The following MID1 variants were observed in gnomAD, a reference collection of about 807,000 sequenced individuals.
MID1 encodes the protein midline 1.
In MID1, 7 loss-of-function variants were observed where a neutral mutation model predicts 40.4. That is an observed-to-expected ratio of 0.17 (90% CI 0.10 to 0.33). The LOEUF is 0.33. MID1 is among the 10% of genes least tolerant of loss of function. MID1 has a pLI of 1.00. For missense variants in MID1, 367 were observed against 558.5 expected, an observed-to-expected ratio of 0.66 and a Z score of 3.46; for synonymous variants, 229 against 221.2, an observed-to-expected ratio of 1.04 and a Z score of -0.31.
At chrX:10,580,787 G>C (rs373674818) in intron 1 of MID1, among the ~76,000 whole-genome samples, 1 of 109,875 alleles carries the variant, frequency 9.1e-6, no homozygotes, top group East Asian at 2.9e-4. Context: ...TGAGTGATGA[G>C]CTGATGTGCT....
intron 3 of MID1, among the ~76,000 whole-genome samples, chrX:10,508,044 A>G (rs16986157): frequency 0.092 from 10,330 of 112,063 alleles, 1,003 homozygotes; most frequent in African/African-American, 0.29. Flanking sequence ...GATGCTATCA[A>G]TGTACAGGGA....
intron 1 of MID1, among the ~76,000 whole-genome samples, chrX:10,648,639 A>T (rs1209551976): frequency 9.0e-6 from 1 of 111,596 alleles, no homozygotes; most frequent in Non-Finnish European, 1.9e-5. Flanking sequence ...TGACTATTTT[A>T]TTTTGCATTA....
At chrX:10,456,674 T>TA (rs779163027) in intron 8 of MID1, among the ~76,000 whole-genome samples, 230 of 111,362 alleles carry the variant, frequency 2.1e-3, no homozygotes, top group Middle Eastern at 0.018. Context: ...CCATCTCTAC[T>TA]AAAAATACAA....
At chrX:10,648,508 G>A (rs1936284734) in intron 1 of MID1, among the ~76,000 whole-genome samples, 1 of 112,109 alleles carries the variant, frequency 8.9e-6, no homozygotes, top group Non-Finnish European at 1.9e-5. Context: ...AAGAAGATGA[G>A]TGATGCCAGG....
Position 10,482,463 on chromosome X carries a change from G to A in MID1, c.1013+17C>T. 2 of 1,209,094 alleles carry A rather than the reference G, an allele frequency of 1.7e-6. No homozygotes were observed. The highest frequency in any genetic ancestry group is 2.2e-6 in the Non-Finnish European group (2 of 894,545). On this transcript the variant is annotated intron_variant, in intron 5 of 9. Transcript: ENST00000317552. ...GAGCCCAGCAGCCGAGAAATTCCCA[G>A]GGGCCCCTGCACTCACCTCTCGGTG...
chrX:10,623,305 A>G (rs185512696), upstream of MID1, among the ~76,000 whole-genome samples: 948 of 100,846 alleles, frequency 9.4e-3, 20 homozygotes, highest in African/African-American at 0.035. Flanking sequence ...AGAGAAAGAA[A>G]GAAGGAAGGA....
intron 2 of MID1, among the ~76,000 whole-genome samples, chrX:10,533,378 A>AAGAAAGAAAGAAAGAG (rs775558538): frequency 1.2e-4 from 7 of 56,570 alleles, no homozygotes; most frequent in East Asian, 1.7e-3. Context: ...GAAAGAAAGA[A>AAGAAAGAAAGAAAGAG]AAAGAAAGAA....
In MID1 at chrX:10,544,851, A is replaced by G. The variant is rs1933618659; in HGVS notation, c.661-21664T>C. On this transcript the variant is annotated intron_variant, in intron 2 of 9. Transcript: ENST00000317552. ...ATAGATGAGCTCAGATCAGGTGAAAATGTTGCTGTCCTATATAGTAGAAAT... is the reference window on the plus strand; with the variant it reads ...ATAGATGAGCTCAGATCAGGTGAAAGTGTTGCTGTCCTATATAGTAGAAAT... Among the ~76,000 whole-genome samples, 4 of 112,722 alleles carry G rather than the reference A, an allele frequency of 3.5e-5. No homozygotes were observed. The Admixed American group carries it at 3.7e-4, about 11-fold the overall frequency.
chrX:10,512,847 C>G (rs1201728796), intron 3 of MID1, among the ~76,000 whole-genome samples: 2 of 111,527 alleles, frequency 1.8e-5, no homozygotes, highest in African/African-American at 6.6e-5. Context: ...AGTAAAAGCT[C>G]TATCATAAAT....
chrX:10,529,453 C>T (rs1932900422), intron 2 of MID1, among the ~76,000 whole-genome samples: 1 of 112,361 alleles, frequency 8.9e-6, no homozygotes, highest in South Asian at 3.7e-4. Context: ...ACTAAGTGTA[C>T]ATATTTCTAA....
intron 1 of MID1, among the ~76,000 whole-genome samples, chrX:10,577,277 G>A (rs1277098596): frequency 1.8e-5 from 2 of 112,028 alleles, no homozygotes; most frequent in Non-Finnish European, 3.8e-5. Flanking sequence ...GTCCTGCCCA[G>A]CTCCTGGGGC....
At chrX:10,545,779 C>T (rs1050436573) in intron 2 of MID1, among the ~76,000 whole-genome samples, 1 of 111,532 alleles carries the variant, frequency 9.0e-6, no homozygotes, top group Non-Finnish European at 1.9e-5. Flanking sequence ...GGAAACATAC[C>T]TATTTGAAAG....
intron 1 of MID1, chrX:10,677,511 G>A (rs772011944): frequency 8.9e-6 from 1 of 112,508 alleles, no homozygotes; most frequent in South Asian, 3.7e-4. Context: ...AACCACAGTG[G>A]AGACAAGCAG....
In MID1 at chrX:10,449,337, C is replaced by A. The variant is rs185219958; in HGVS notation, c.*31G>T. 1 of 1,140,414 alleles carries A rather than the reference C, an allele frequency of 8.8e-7. No individual in the cohort carries two copies. The highest frequency in any genetic ancestry group is 1.8e-5 in the African/African-American group (1 of 55,576). The allele number at this position is 1,140,414 out of a possible 1,213,427, so 94.0% of individuals were successfully genotyped here. A position where few individuals can be genotyped will look rare whatever the true frequency, so the allele number is the denominator to read the frequency against. On this transcript the variant is annotated 3_prime_UTR_variant, in exon 10 of 10. Coordinates refer to ENST00000317552, the MANE Select transcript of MID1 (RefSeq NM_000381.4). ...AAATAGTGGCCTGAACCTTACTGTT[C>A]CCCAGAAAGCAGCTCCATGTGGCCA...
intron 1 of MID1, among the ~76,000 whole-genome samples, chrX:10,614,631 G>C (rs774182940): frequency 8.9e-6 from 1 of 112,013 alleles, no homozygotes; most frequent in African/African-American, 3.2e-5. Flanking sequence ...TTTGGAGGTG[G>C]GGAAGGGAAG....
At chrX:10,826,531 A>G (rs751467432) in intron 1 of MID1, among the ~76,000 whole-genome samples, 35 of 112,152 alleles carry the variant, frequency 3.1e-4, no homozygotes, top group African/African-American at 1.6e-4. Flanking sequence ...GACCAATGTC[A>G]TCCCTTGCTG....
At chrX:10,768,185 G>C (rs2043743990) in intron 1 of MID1, among the ~76,000 whole-genome samples, 1 of 110,368 alleles carries the variant, frequency 9.1e-6, no homozygotes, top group Non-Finnish European at 1.9e-5. Context: ...ATTAATATAA[G>C]CAGAAAAATG....
rs201045307 is a variant in MID1, at chrX:10,773,299, T to G, written c.-187+60255A>C. ...AAAAATAAATCAGAAAATTTATGTA[T>G]TGCCTTTGATGAATTAACAGAGCCA... is the stretch of plus-strand genomic sequence containing the variant. On this transcript the variant is annotated intron_variant, in intron 1 of 10. Coordinates refer to the MID1 transcript ENST00000380785. Among the ~76,000 whole-genome samples the G allele has an allele frequency of 2.7e-5, 3 of 112,280 alleles. No individual in the cohort carries two copies. In the East Asian group the frequency reaches 8.4e-4, roughly 31 times the overall value.
chrX:10,812,655 G>T (rs1050081592), intron 1 of MID1, among the ~76,000 whole-genome samples: 6 of 111,331 alleles, frequency 5.4e-5, no homozygotes, highest in Non-Finnish European at 7.5e-5. Flanking sequence ...TTCTTGCTCT[G>T]CCTGGCCCAG....
Sources: allele counts gnomAD v4.1 joint callset (sites outside exome capture counted in the v4.1 genomes callset), GRCh38; gene constraint gnomAD v4.1.1; transcripts MANE v1.5; gene names NCBI Gene and HGNC (gene_info 2026-07-23, HGNC 2026-07-21).